The following LATS1 variants were observed in gnomAD, a reference collection of about 807,000 sequenced individuals.
LATS1 encodes the protein large tumor suppressor kinase 1, also known as serine/threonine-protein kinase LATS1.
A neutral mutation model predicts 106.6 loss-of-function variants in LATS1; 25 were observed. The ratio of observed to expected loss-of-function variants is 0.23; its 90% confidence interval spans 0.17 to 0.33. The LOEUF (loss-of-function observed/expected upper bound fraction) is 0.33. Ranked by LOEUF, LATS1 falls within the 10% of genes least tolerant of loss-of-function variation. The pLI is 1.00. For missense variants in LATS1, 1,040 were observed against 1,382.6 expected (o/e 0.75, Z 3.93); for synonymous variants, 465 against 455.6 (o/e 1.02, Z -0.26).
intron 1 of LATS1, among the ~76,000 whole-genome samples, chr6:149,711,697 A>G (rs370379096): frequency 6.6e-6 from 1 of 152,230 alleles, no homozygotes; most frequent in Non-Finnish European, 1.5e-5. Flanking sequence ...GGGAAGGTAC[A>G]ACACACACTT....
intron 5 of LATS1, 104 bp from the exon 6 acceptor site, chr6:149,676,841 C>A: frequency 9.9e-7 from 1 of 1,007,536 alleles, no homozygotes; most frequent in Non-Finnish European, 1.4e-6. Context: ...AACATTCTCC[C>A]TTGTGACAAA....
At chr6:149,715,868 T>A (rs1430521029) in intron 1 of LATS1, among the ~76,000 whole-genome samples, 1 of 152,170 alleles carries the variant, frequency 6.6e-6, no homozygotes, top group East Asian at 1.9e-4. Flanking sequence ...AAAGAATTTT[T>A]AAAATAATTC....
chr6:149,683,906 C>T lies in LATS1; in HGVS notation c.1183G>A (p.Ala395Thr), dbSNP rs151215982. 76 of 1,613,298 alleles carry T rather than the reference C, an allele frequency of 4.7e-5. No individual in the cohort carries two copies. The South Asian group carries it at 5.5e-4, about 12-fold the overall frequency. Residue 395 changes from alanine to threonine, a missense_variant, in exon 4 of 8, where the codon GCT becomes ACT. Coordinates refer to ENST00000543571, the MANE Select transcript of LATS1 (RefSeq NM_004690.4). ...SPSALQTGGS[A>T]APSSYTNGSI... is the part of the protein sequence containing the mutation. Reference sequence around the variant, plus strand: ...CCATTTGTATATGACGAAGGAGCAGCAGATCCCCCTGTTTGTAAAGCAGAA... The same window carrying T: ...CCATTTGTATATGACGAAGGAGCAGTAGATCCCCCTGTTTGTAAAGCAGAA...
At chr6:149,696,702 A>G (rs2114920708) in intron 2 of LATS1, among the ~76,000 whole-genome samples, 1 of 152,162 alleles carries the variant, frequency 6.6e-6, no homozygotes, top group Admixed American at 6.6e-5. Flanking sequence ...ATATTACAGG[A>G]ATACAAATAT....
chr6:149,674,080 ATTTG>A (rs1781580779), intron 7 of LATS1, among the ~76,000 whole-genome samples: 1 of 149,886 alleles, frequency 6.7e-6, no homozygotes, highest in Non-Finnish European at 1.5e-5. Flanking sequence ...TCAAAGAATA[ATTTG>A]TTTTTTTTAG....
At chr6:149,667,681 T>C (rs1202168122) in intron 7 of LATS1, among the ~76,000 whole-genome samples, 1 of 152,078 alleles carries the variant, frequency 6.6e-6, no homozygotes, top group African/African-American at 2.4e-5. Context: ...ATCAAACACA[T>C]AAACCTACAG....
At chr6:149,713,430 G>T (rs1382301755) in intron 1 of LATS1, among the ~76,000 whole-genome samples, 2 of 142,328 alleles carry the variant, frequency 1.4e-5, no homozygotes, top group African/African-American at 5.2e-5. Context: ...AAGTAGCTGG[G>T]ATTACAGGAG....
rs755260603 is a variant in LATS1, at chr6:149,679,956, G to A, written c.2512C>T (p.Arg838Cys). ...TCAGTCAATTTAATATGACCATCAC[G>A]ATCAATCAAAATATTATCAGGTTTA... is the stretch of plus-strand genomic sequence containing the variant. ...DIKPDNILID[R>C]DGHIKLTDFG... is the part of the protein sequence containing the mutation. The change falls in exon 5 of 8, where the codon CGT becomes TGT. Residue 838 changes from arginine (R) to cysteine (C), a missense_variant. Transcript: ENST00000543571. 2.5e-6 allele frequency: 4 copies of A among 1,613,938 alleles called. No individual in the cohort carries two copies. The highest frequency in any genetic ancestry group is 3.4e-6 in the Non-Finnish European group (4 of 1,179,908).
intron 3 of LATS1, among the ~76,000 whole-genome samples, chr6:149,689,230 T>A (rs559915443): frequency 6.0e-5 from 9 of 151,178 alleles, no homozygotes; most frequent in Non-Finnish European, 1.0e-4. Flanking sequence ...AAGAACAAAA[T>A]AAACCCAGTA....
At position 149,684,459 on chromosome 6, in the gene LATS1, A is replaced by G. The variant is rs996500103; in HGVS notation, c.630T>C (p.Asp210=). The G allele has an allele frequency of 5.6e-6, 9 of 1,614,086 alleles. No homozygotes were observed. The highest frequency in any genetic ancestry group is 7.6e-6 in the Non-Finnish European group (9 of 1,179,994). ...YHSESPNSQT[D]VGRPLSGSGI... is the part of the protein sequence containing the mutation. Reference sequence around the variant, plus strand: ...CAGATCCAGACAAAGGTCTTCCTACATCTGTCTGTGAGTTGGGACTCTCAG... The same window carrying G: ...CAGATCCAGACAAAGGTCTTCCTACGTCTGTCTGTGAGTTGGGACTCTCAG... The change falls in exon 4 of 8, where the codon GAT becomes GAC. Residue 210 remains aspartate, a synonymous_variant. Coordinates refer to ENST00000543571, the MANE Select transcript of LATS1 (RefSeq NM_004690.4).
rs752291139 is a variant in LATS1, at chr6:149,684,320, G to C, written c.769C>G (p.Pro257Ala). The stretch of plus-strand genomic sequence containing the variant: ...GGAGGTGGAGTTGTACCTCTTGGAG[G>C]GGGAGTCTGGCCTCTTGGAGGTGGT... Reference protein sequence around the residue: ...PPPPPRGQTPPPRGTTPPPPS... With the variant: ...PPPPPRGQTPAPRGTTPPPPS... The change falls in exon 4 of 8, where the codon CCT becomes GCT. Residue 257 changes from proline to alanine, a missense_variant. Coordinates refer to ENST00000543571, the MANE Select transcript of LATS1 (RefSeq NM_004690.4). The C allele has an allele frequency of 1.9e-6, 3 of 1,613,938 alleles. No individual in the cohort carries two copies. The South Asian group carries it at 3.3e-5, about 18-fold the overall frequency.
chr6:149,701,231 G>A (rs546368154), intron 2 of LATS1, among the ~76,000 whole-genome samples: 99 of 152,200 alleles, frequency 6.5e-4, no homozygotes, highest in Non-Finnish European at 1.3e-3. Context: ...TTAAATATAT[G>A]GGTTATGAAA....
intron 7 of LATS1, among the ~76,000 whole-genome samples, chr6:149,671,426 A>C (rs1301116895): frequency 6.6e-6 from 1 of 151,880 alleles, no homozygotes; most frequent in African/African-American, 2.4e-5. Flanking sequence ...GAGCCACCGC[A>C]CCTGGCCTGA....
rs558288518 is a variant in LATS1 at position 149,660,413 on chromosome 6, G to A, written c.*1316C>T. ...TTTATGCGAAGAAAGCTAAAAGTAT[G>A]AAAATCACTAAAATTATGCCTCCAA... On this transcript the variant is annotated 3_prime_UTR_variant, in exon 8 of 8. Coordinates refer to ENST00000543571, the MANE Select transcript of LATS1 (RefSeq NM_004690.4). The A allele has an allele frequency of 2.0e-4, 46 of 233,034 alleles. No individual in the cohort carries two copies. In the Middle Eastern group the frequency reaches 5.1e-3, roughly 26 times the overall value. The allele number at this position is 233,034 out of a possible 1,614,324, so 14.4% of individuals were successfully genotyped here.
intron 3 of LATS1, among the ~76,000 whole-genome samples, chr6:149,692,171 T>C (rs1047021143): frequency 2.6e-5 from 4 of 152,200 alleles, no homozygotes; most frequent in African/African-American, 9.7e-5. Context: ...TATACCTTTC[T>C]GCTGCTCTTA....
intron 3 of LATS1, among the ~76,000 whole-genome samples, chr6:149,691,543 C>A (rs1005886546): frequency 2.0e-5 from 3 of 151,950 alleles, no homozygotes; most frequent in Non-Finnish European, 4.4e-5. Flanking sequence ...TTGACCATTC[C>A]CTCCCCTTCT....
intron 1 of LATS1, among the ~76,000 whole-genome samples, chr6:149,707,081 T>C (rs1195440106): frequency 2.1e-5 from 3 of 145,496 alleles, no homozygotes; most frequent in Non-Finnish European, 4.5e-5. Context: ...AGTGGGGTGA[T>C]CTTGGCTCAC....
In LATS1 at chr6:149,683,415, GGGT is replaced by G. The variant is rs1416625429; in HGVS notation, c.1671_1673del (p.Pro558del). 1.2e-6 allele frequency: 2 copies of G among 1,614,190 alleles called. No individual in the cohort carries two copies. The highest frequency in any genetic ancestry group is 2.2e-5 in the East Asian group (1 of 44,890). Reference sequence around the variant, plus strand: ...TTTGGTGCAGCAGATGTTTTGGGTAGGGTGGTGGTGGTCCTTGATAGTTTGGAG... The same window carrying G: ...TTTGGTGCAGCAGATGTTTTGGGTAGGGTGGTGGTCCTTGATAGTTTGGAG... On this transcript the variant is annotated inframe_deletion, in exon 4 of 8. Coordinates refer to ENST00000543571, the MANE Select transcript of LATS1 (RefSeq NM_004690.4).
intron 1 of LATS1, 48 bp from the exon 2 acceptor site, chr6:149,702,314 A>C (rs1783508830): frequency 3.9e-6 from 2 of 508,802 alleles, no homozygotes. Flanking sequence ...TTAATACAGC[A>C]GTACCATGTA....
Sources: allele counts gnomAD v4.1 joint callset (sites outside exome capture counted in the v4.1 genomes callset), GRCh38; gene constraint gnomAD v4.1.1; transcripts MANE v1.5; gene names NCBI Gene and HGNC (gene_info 2026-07-23, HGNC 2026-07-21).